CPQ: variants seen among roughly 807,000 people sequenced by gnomAD.
The protein encoded by CPQ is Ser-Met dipeptidase.
Under a neutral mutation model 45.7 loss-of-function variants are expected in CPQ, and 37 were observed. The ratio of observed to expected loss-of-function variants is 0.81; its 90% CI spans 0.62 to 1.07. CPQ has a LOEUF of 1.07. Among genes scored for constraint, CPQ ranks in the 50% least tolerant of loss-of-function variants. The pLI is 0.00. For missense variants in CPQ, 537 were observed against 572.9 expected (o/e 0.94, Z 0.64); for synonymous variants, 186 against 205.8 (o/e 0.90, Z 0.82).
At chr8:96,668,365 C>T (rs1808955722) in intron 1 of CPQ, among the ~76,000 whole-genome samples, 1 of 152,148 alleles carries the variant, frequency 6.6e-6, no homozygotes, top group Non-Finnish European at 1.5e-5. Flanking sequence ...CTTCAATTTG[C>T]TTTATTACAT....
chr8:96,950,913 T>G (rs187802533), intron 4 of CPQ, among the ~76,000 whole-genome samples: 1 of 152,112 alleles, frequency 6.6e-6, no homozygotes, highest in Non-Finnish European at 1.5e-5. Context: ...AGAGGTGGAC[T>G]TCAAATCCCG....
At position 96,695,992 on chromosome 8, in the gene CPQ, G is replaced by A. The variant is rs182094609; in HGVS notation, c.-35+50590G>A. On this transcript the variant is annotated intron_variant, in intron 1 of 7. Coordinates refer to ENST00000220763, the MANE Select transcript of CPQ (RefSeq NM_016134.4). ...TGCTGCTATAAAGACACATGCACAC[G>A]TATGTTTATTGTGGCATTATTCACA... Among the ~76,000 whole-genome samples the A allele has an allele frequency of 1.5e-4, 23 of 150,008 alleles. No homozygotes were observed. The East Asian group carries it at 1.7e-3, about 11-fold the overall frequency.
rs4549735 is a variant in CPQ, at chr8:96,866,752, T to C, written c.642-13046T>C. On this transcript the variant is annotated intron_variant, in intron 3 of 7. Coordinates refer to ENST00000220763, the MANE Select transcript of CPQ (RefSeq NM_016134.4). ...ATGAAGTGAATTAAATCTTACAGAA[T>C]GTTCCAGTGCAATCTGAAACTACAG... is the stretch of plus-strand genomic sequence containing the variant. Among the ~76,000 whole-genome samples the C allele has an allele frequency of 3.8e-3, 576 of 152,232 alleles. 18 individuals are homozygous for C. Among genetic ancestry groups the C allele is most frequent in the Admixed American group, 0.033 (502 of 15,290 alleles).
rs116439147 is a variant in CPQ, at chr8:96,728,114, C to T, written c.-34-56750C>T. On this transcript the variant is annotated intron_variant, in intron 1 of 7. Transcript: ENST00000220763. ...GTGACATCTCTCAGGTTTACCTTGA[C>T]TTCCAAGTGACCTGATACTGACAGC... Among the ~76,000 whole-genome samples, 788 of 152,260 alleles carry T rather than the reference C, an allele frequency of 5.2e-3. 4 individuals are homozygous for T. Among genetic ancestry groups the T allele is most frequent in the African/African-American group, 0.015 (621 of 41,544 alleles).
At chr8:96,908,723 C>A (rs1400501297) in intron 4 of CPQ, among the ~76,000 whole-genome samples, 1 of 141,300 alleles carries the variant, frequency 7.1e-6, no homozygotes, top group Non-Finnish European at 1.5e-5. Context: ...GCAGCTATTT[C>A]TCTTTTCAGT....
At chr8:96,766,878 C>T (rs1439773415) in intron 1 of CPQ, among the ~76,000 whole-genome samples, 3 of 146,336 alleles carry the variant, frequency 2.1e-5, no homozygotes, top group African/African-American at 5.6e-5. Context: ...GCACACTTTG[C>T]TCTCTGTTGC....
intron 7 of CPQ, among the ~76,000 whole-genome samples, chr8:97,137,431 A>ACTT (rs1812079972): frequency 6.6e-6 from 1 of 152,104 alleles, no homozygotes; most frequent in South Asian, 2.1e-4. Context: ...ACCCTCAGTG[A>ACTT]CTTCTGTTCT....
chr8:96,706,319 G>C (rs1448330246), intron 1 of CPQ, among the ~76,000 whole-genome samples: 1 of 152,072 alleles, frequency 6.6e-6, no homozygotes, highest in Non-Finnish European at 1.5e-5. Context: ...CTATTATACT[G>C]TGTGTTGCTT....
chr8:97,138,796 A>G lies in CPQ; in HGVS notation c.1256-4224A>G, dbSNP rs75358169. ...CACTAGTGTACTTTATAAGATATTG[A>G]TTAACTTTAGACTTATTAAGATGAA... On this transcript the variant is annotated intron_variant, in intron 7 of 7. Transcript: ENST00000220763. Among the ~76,000 whole-genome samples, 910 of 152,232 alleles carry G rather than the reference A, an allele frequency of 6.0e-3. 5 individuals are homozygous for G. The highest frequency in any genetic ancestry group is 0.02 in the African/African-American group (837 of 41,534).
chr8:97,086,296 A>G lies in CPQ; in HGVS notation c.1255+20086A>G, dbSNP rs539129557. Among the ~76,000 whole-genome samples, 6 of 152,306 alleles carry G rather than the reference A, an allele frequency of 3.9e-5. No individual in the cohort carries two copies. In the South Asian group the frequency reaches 1.2e-3, roughly 32 times the overall value. ...GAACTATAGAATGCTCAGGGGGTAAAGGGAAGCTAATATTTATTGAAGACC... is the reference window on the plus strand; with the variant it reads ...GAACTATAGAATGCTCAGGGGGTAAGGGGAAGCTAATATTTATTGAAGACC... On this transcript the variant is annotated intron_variant, in intron 7 of 7. Coordinates refer to ENST00000220763, the MANE Select transcript of CPQ (RefSeq NM_016134.4).
At chr8:96,971,609 A>G (rs764656647) in intron 5 of CPQ, among the ~76,000 whole-genome samples, 1 of 152,208 alleles carries the variant, frequency 6.6e-6, no homozygotes, top group Non-Finnish European at 1.5e-5. Flanking sequence ...AAGGTATCCT[A>G]TTAAAATCAC....
In CPQ at chr8:97,105,290, C is replaced by A. The variant is rs555730506; in HGVS notation, c.1256-37730C>A. On this transcript the variant is annotated intron_variant, in intron 7 of 7. Coordinates refer to ENST00000220763, the MANE Select transcript of CPQ (RefSeq NM_016134.4). ...CCTCTGAATTTGACAACTCTGGATA[C>A]CTCATCTAAGTGGAATAATACAATA... Among the ~76,000 whole-genome samples, 5 of 152,278 alleles carry A rather than the reference C, an allele frequency of 3.3e-5. No individual in the cohort carries two copies. The South Asian group carries it at 1.0e-3, about 32-fold the overall frequency.
chr8:96,980,146 A>C (rs1310460379), intron 5 of CPQ, among the ~76,000 whole-genome samples: 4 of 151,972 alleles, frequency 2.6e-5, no homozygotes, highest in Non-Finnish European at 5.9e-5. Context: ...TTATATATAG[A>C]TTTTGAAACA....
chr8:96,875,396 C>T (rs1432766487), intron 3 of CPQ, among the ~76,000 whole-genome samples: 1 of 151,826 alleles, frequency 6.6e-6, no homozygotes, highest in Non-Finnish European at 1.5e-5. Context: ...AAACAATTTC[C>T]TTTCCCAAAG....
intron 2 of CPQ, among the ~76,000 whole-genome samples, chr8:96,801,831 T>G (rs1441336705): frequency 6.6e-6 from 1 of 152,152 alleles, no homozygotes; most frequent in Non-Finnish European, 1.5e-5. Context: ...TCTGTCTGCC[T>G]TTTTTCCTGA....
chr8:96,832,708 C>A (rs1340011691), intron 2 of CPQ, among the ~76,000 whole-genome samples: 2 of 152,158 alleles, frequency 1.3e-5, no homozygotes, highest in South Asian at 2.1e-4. Flanking sequence ...TGCATAGGTA[C>A]TGGTCACATG....
At chr8:97,033,372 T>C (rs1809942396) in intron 6 of CPQ, among the ~76,000 whole-genome samples, 2 of 152,200 alleles carry the variant, frequency 1.3e-5, no homozygotes, top group South Asian at 4.1e-4. Flanking sequence ...CTGATTATGC[T>C]ACAGAGATTG....
At chr8:97,017,685 A>G (rs955525604) in intron 5 of CPQ, among the ~76,000 whole-genome samples, 3 of 152,086 alleles carry the variant, frequency 2.0e-5, no homozygotes, top group Non-Finnish European at 4.4e-5. Flanking sequence ...GAGAGCCATA[A>G]TCCTTCTAGG....
chr8:96,790,074 C>G (rs1230687316), intron 2 of CPQ, among the ~76,000 whole-genome samples: 1 of 152,072 alleles, frequency 6.6e-6, no homozygotes, highest in Non-Finnish European at 1.5e-5. Flanking sequence ...ACCAGCACCC[C>G]CTTAATTGTT....
Sources: allele counts gnomAD v4.1 joint callset (sites outside exome capture counted in the v4.1 genomes callset), GRCh38; gene constraint gnomAD v4.1.1; transcripts MANE v1.5; gene names NCBI Gene and HGNC (gene_info 2026-07-23, HGNC 2026-07-21).